LOC128125822: variants seen among roughly 807,000 people sequenced by gnomAD.
chr6:63,576,804 G>A, the LOC128125822 span: 2 of 1,196,408 alleles, frequency 1.7e-6, no homozygotes, highest in East Asian at 4.8e-5. Flanking sequence ...GTAGACTTCA[G>A]TTTCTTTGCA....
the LOC128125822 span, chr6:63,576,878 A>T: frequency 6.2e-6 from 10 of 1,609,752 alleles, no homozygotes; most frequent in Non-Finnish European, 8.5e-6. Context: ...TAACTAAATT[A>T]ACATGGCTCG....
chr6:63,579,106 AT>A, the LOC128125822 span: 5 of 1,408,546 alleles, frequency 3.5e-6, no homozygotes, highest in Non-Finnish European at 4.7e-6. Flanking sequence ...AATTCTTATA[AT>A]TTTTTAATAT....
chr6:63,576,582 AT>A, the LOC128125822 span: 5 of 464,662 alleles, frequency 1.1e-5, no homozygotes, highest in East Asian at 1.7e-4. Flanking sequence ...AAGAGTGGTT[AT>A]CCTGGACACA....
the LOC128125822 span, chr6:63,580,773 T>C: frequency 6.6e-6 from 1 of 152,528 alleles, no homozygotes; most frequent in Admixed American, 6.6e-5. Flanking sequence ...ATTTTACGTG[T>C]TTCCATGTAT....
chr6:63,577,066 T>G, the LOC128125822 span: 1 of 1,112,714 alleles, frequency 9.0e-7, no homozygotes, highest in Non-Finnish European at 1.3e-6. Context: ...AAAAACTACT[T>G]TGGAAAAAAT....
the LOC128125822 span, among the ~76,000 whole-genome samples, chr6:63,578,100 C>T: frequency 2.3e-3 from 351 of 152,154 alleles, 2 homozygotes; most frequent in African/African-American, 8.0e-3. Flanking sequence ...TTGCTGCTAG[C>T]CCCTTTTGGT....
chr6:63,572,739 T>C, the LOC128125822 span: 4 of 398,262 alleles, frequency 1.0e-5, no homozygotes, highest in African/African-American at 4.1e-5. Context: ...CGTCGCATCG[T>C]CGCCTCTCGG....
At chr6:63,575,217 T>C in the LOC128125822 span, among the ~76,000 whole-genome samples, 1 of 152,226 alleles carries the variant, frequency 6.6e-6, no homozygotes, top group African/African-American at 2.4e-5. Flanking sequence ...AATTTAAGCA[T>C]GGAAACTAAT....
chr6:63,578,804 T>G, the LOC128125822 span: 1 of 1,257,078 alleles, frequency 8.0e-7, no homozygotes, highest in African/African-American at 1.6e-5. Context: ...AAAATGAGAA[T>G]GCTTTTGAAA....
chr6:63,576,704 T>C, the LOC128125822 span: 1 of 612,732 alleles, frequency 1.6e-6, no homozygotes. Context: ...ATTGAAGAAT[T>C]GCTGCTTCTT....
the LOC128125822 span, chr6:63,579,082 AC>A: frequency 6.7e-7 from 1 of 1,495,190 alleles, no homozygotes; most frequent in East Asian, 2.4e-5. Context: ...TAATGAAAAT[AC>A]AGAAACTTGA....
chr6:63,577,483 C>T, the LOC128125822 span, among the ~76,000 whole-genome samples: 2 of 152,162 alleles, frequency 1.3e-5, no homozygotes, highest in Non-Finnish European at 2.9e-5. Flanking sequence ...TCGGGATGTG[C>T]ACATGTTTTA....
chr6:63,578,351 CTGATCAGAGA>C, the LOC128125822 span: 5 of 1,383,690 alleles, frequency 3.6e-6, no homozygotes. Context: ...AGCATACTTA[CTGATCAGAGA>C]TGATCAGAAT....
At chr6:63,578,654 T>C in the LOC128125822 span, 16 of 1,343,120 alleles carry the variant, frequency 1.2e-5, no homozygotes, top group Non-Finnish European at 1.6e-5. Flanking sequence ...ACAAATATTA[T>C]ATTATTGTGC....
chr6:63,575,827 A>G, the LOC128125822 span, among the ~76,000 whole-genome samples: 1 of 152,154 alleles, frequency 6.6e-6, no homozygotes, highest in Non-Finnish European at 1.5e-5. Flanking sequence ...ACAGATTGTT[A>G]AGGATAAAGT....
chr6:63,580,860 C>T, the LOC128125822 span: 1 of 152,180 alleles, frequency 6.6e-6, no homozygotes, highest in African/African-American at 2.4e-5. Context: ...TTAATGTCTT[C>T]AGACAAAAAA....
chr6:63,579,830 T>G, the LOC128125822 span, among the ~76,000 whole-genome samples: 1 of 152,162 alleles, frequency 6.6e-6, no homozygotes, highest in Non-Finnish European at 1.5e-5. Flanking sequence ...GATTTGTGAG[T>G]CGACTGTTGT....
chr6:63,577,080 A>G, the LOC128125822 span: 72,111 of 876,192 alleles, frequency 0.082, 3,457 homozygotes, highest in East Asian at 0.17. Context: ...AAAAAATGAG[A>G]TGATATACCT....
chr6:63,579,167 A>T, the LOC128125822 span: 2 of 1,415,296 alleles, frequency 1.4e-6, no homozygotes, highest in Non-Finnish European at 1.9e-6. Flanking sequence ...GGTGGTAGAT[A>T]ATACTTCTGA....
Sources: allele counts gnomAD v4.1 joint callset (sites outside exome capture counted in the v4.1 genomes callset), GRCh38; gene constraint gnomAD v4.1.1; transcripts MANE v1.5.